TAB2: variants seen among roughly 807,000 people sequenced by gnomAD.
The protein encoded by TAB2 is TGF-beta-activated kinase 1 and MAP3K7-binding protein 2.
TAB2 carries 3 observed loss-of-function variants against 65.0 expected under a neutral mutation model. That is an observed-to-expected ratio of 0.05 (90% CI 0.02 to 0.12). TAB2 has a LOEUF of 0.12. Among genes scored for constraint, TAB2 ranks in the 10% least tolerant of loss-of-function variants. The pLI is 1.00. For missense variants in TAB2, 623 were observed against 840.3 expected, an observed-to-expected ratio of 0.74 and a Z score of 3.20; for synonymous variants, 298 against 285.1, an observed-to-expected ratio of 1.05 and a Z score of -0.46.
At chr6:149,247,571 C>T (rs1430937656) in intron 1 of TAB2, 1 of 152,260 alleles carries the variant, frequency 6.6e-6, no homozygotes, top group Non-Finnish European at 1.5e-5. Flanking sequence ...CTTACTCATG[C>T]CTTCTGTGCT....
At chr6:149,381,786 TG>T (rs201913364) in intron 3 of TAB2, among the ~76,000 whole-genome samples, 1,787 of 152,026 alleles carry the variant, frequency 0.012, 33 homozygotes, top group African/African-American at 0.041. Flanking sequence ...TTGCCCAGGC[TG>T]GTCTTGAACC....
chr6:149,256,187 A>G (rs1309790451), intron 1 of TAB2, among the ~76,000 whole-genome samples: 1 of 152,260 alleles, frequency 6.6e-6, no homozygotes, highest in Admixed American at 6.5e-5. Flanking sequence ...TACAGTTTTC[A>G]TTGCAAAATG....
intron 1 of TAB2, among the ~76,000 whole-genome samples, chr6:149,285,209 A>C (rs1264190271): frequency 1.3e-5 from 2 of 152,226 alleles, no homozygotes; most frequent in East Asian, 1.9e-4. Context: ...TGTGCTCTTC[A>C]ACAGGGTATG....
chr6:149,230,593 G>C (rs1777383894), intron 1 of TAB2, among the ~76,000 whole-genome samples: 1 of 152,236 alleles, frequency 6.6e-6, no homozygotes, highest in African/African-American at 2.4e-5. Context: ...AAGTTTTCTA[G>C]ACAGCCACCA....
intron 1 of TAB2, among the ~76,000 whole-genome samples, chr6:149,221,538 C>T (rs1171099876): frequency 6.6e-6 from 1 of 152,212 alleles, no homozygotes; most frequent in Non-Finnish European, 1.5e-5. Flanking sequence ...GGGCTTGGGG[C>T]ATCACAGAGA....
chr6:149,393,137 C>G (rs535770075), intron 3 of TAB2, among the ~76,000 whole-genome samples: 2 of 152,210 alleles, frequency 1.3e-5, no homozygotes, highest in South Asian at 4.1e-4. Context: ...AAATAGAGAA[C>G]CACTTTCCTA....
At chr6:149,242,282 G>A (rs1777614389) in intron 1 of TAB2, among the ~76,000 whole-genome samples, 1 of 152,046 alleles carries the variant, frequency 6.6e-6, no homozygotes, top group Admixed American at 6.5e-5. Context: ...TTTTCCACAG[G>A]AATATAATAT....
intron 6 of TAB2, among the ~76,000 whole-genome samples, chr6:149,408,809 C>G (rs1011234049): frequency 2.0e-5 from 3 of 152,106 alleles, no homozygotes; most frequent in African/African-American, 7.2e-5. Flanking sequence ...TATAAACATT[C>G]TAGAACATTG....
chr6:149,381,333 CCTCTT>C (rs983396031), intron 3 of TAB2, among the ~76,000 whole-genome samples: 8 of 152,292 alleles, frequency 5.3e-5, no homozygotes, highest in South Asian at 2.1e-4. Flanking sequence ...ACTTAATTCT[CCTCTT>C]CTCCCAAAGT....
At chr6:149,309,087 C>T (rs1183219235) in intron 1 of TAB2, among the ~76,000 whole-genome samples, 1 of 152,020 alleles carries the variant, frequency 6.6e-6, no homozygotes, top group Non-Finnish European at 1.5e-5. Flanking sequence ...TCCCCGTTTT[C>T]TGTGTTTCAT....
chr6:149,228,006 A>T (rs1777319772), intron 1 of TAB2, among the ~76,000 whole-genome samples: 1 of 152,122 alleles, frequency 6.6e-6, no homozygotes, highest in Non-Finnish European at 1.5e-5. Context: ...TCTCAGGATG[A>T]AAAAAGCAAA....
rs191538938 is a variant in TAB2 at position 149,310,021 on chromosome 6, T to C, written c.-120-67997T>C. ...TTAAACTCATTTTGTCAACTTTTGA[T>C]TGTGACTGAGTTAAGTTTATAATCA... On this transcript the variant is annotated intron_variant, in intron 1 of 1. Coordinates refer to the TAB2 transcript ENST00000606202. Among the ~76,000 whole-genome samples, 27 of 152,268 alleles carry C rather than the reference T, an allele frequency of 1.8e-4. 1 individual carries two copies. In the East Asian group the frequency reaches 5.2e-3, roughly 29 times the overall value.
chr6:149,400,909 T>C, intron 6 of TAB2: 1 of 517,922 alleles, frequency 1.9e-6, no homozygotes, highest in Non-Finnish European at 3.4e-6. Context: ...ATGGTATGTT[T>C]TGATTGACAT....
chr6:149,248,285 G>C (rs545144778), intron 1 of TAB2, among the ~76,000 whole-genome samples: 1 of 152,016 alleles, frequency 6.6e-6, no homozygotes, highest in African/African-American at 2.4e-5. Context: ...CCAACTACTT[G>C]GGAGGCTGAG....
At chr6:149,293,913 T>G (rs9498300) in intron 1 of TAB2, among the ~76,000 whole-genome samples, 6,529 of 152,114 alleles carry the variant, frequency 0.043, 441 homozygotes, top group African/African-American at 0.14. Context: ...GTTTCAATGG[T>G]GAAAAGGCAG....
chr6:149,385,904 G>A, intron 3 of TAB2, among the ~76,000 whole-genome samples: 1 of 152,136 alleles, frequency 6.6e-6, no homozygotes, highest in Non-Finnish European at 1.5e-5. Context: ...CAATAAAAAT[G>A]TGTTTCTTTT....
At chr6:149,385,041 A>G (rs73615923) in intron 3 of TAB2, among the ~76,000 whole-genome samples, 1,796 of 152,296 alleles carry the variant, frequency 0.012, 32 homozygotes, top group African/African-American at 0.041. Context: ...AAGTCCTACC[A>G]TAGTGTTAAG....
At chr6:149,253,030 T>TA (rs1777892458) in intron 1 of TAB2, 1 of 152,246 alleles carries the variant, frequency 6.6e-6, no homozygotes, top group South Asian at 2.1e-4. Flanking sequence ...AATCAGTACT[T>TA]ACTGTTGGGA....
intron 1 of TAB2, chr6:149,304,074 A>G (rs1009923289): frequency 3.3e-5 from 5 of 152,222 alleles, no homozygotes; most frequent in Non-Finnish European, 7.3e-5. Flanking sequence ...ATCACAGCTT[A>G]GGAGTCCTTA....
Sources: allele counts gnomAD v4.1 joint callset (sites outside exome capture counted in the v4.1 genomes callset), GRCh38; gene constraint gnomAD v4.1.1; transcripts MANE v1.5; gene names NCBI Gene and HGNC (gene_info 2026-07-23, HGNC 2026-07-21).